TACC1: variants seen among roughly 807,000 people sequenced by gnomAD.
The protein encoded by TACC1 is transforming acidic coiled-coil containing protein 1, also known as transforming acidic coiled-coil-containing protein 1.
TACC1 carries 48 observed loss-of-function variants against 84.4 expected under a neutral mutation model. The observed-to-expected ratio is 0.57, with a 90% CI of 0.45 to 0.72. The LOEUF (loss-of-function observed/expected upper bound fraction) is 0.72. Ranked by LOEUF, TACC1 falls within the 30% of genes least tolerant of loss-of-function variation. The pLI is 0.00. For missense variants in TACC1, 920 were observed against 973.0 expected, an observed-to-expected ratio of 0.95 and a Z score of 0.72; for synonymous variants, 372 against 376.3, an observed-to-expected ratio of 0.99 and a Z score of 0.13.
At chr8:38,732,134 GAAAGA>G (rs766578606) in intron 1 of TACC1, among the ~76,000 whole-genome samples, 113 of 139,402 alleles carry the variant, frequency 8.1e-4, no homozygotes, top group Non-Finnish European at 1.2e-3. Flanking sequence ...ACAAAGAAAA[GAAAGA>G]AAAGAAAAGA....
In TACC1 at chr8:38,802,715, A is replaced by G. The variant is rs1821686970; in HGVS notation, c.277+13896A>G. 2.0e-5 allele frequency among the ~76,000 whole-genome samples: 3 copies of G among 152,338 alleles called. No homozygotes were observed. The South Asian group carries it at 6.2e-4, about 32-fold the overall frequency. On this transcript the variant is annotated intron_variant, in intron 2 of 12. Transcript: ENST00000317827. ...TGAGGGCATCAGGGAGCTTCCAATT[A>G]TGGCAGAAGGCAAAGGTGGAGCAGG...
chr8:38,776,583 T>C (rs1036831344), intron 3 of TACC1, among the ~76,000 whole-genome samples: 1 of 152,244 alleles, frequency 6.6e-6, no homozygotes, highest in Admixed American at 6.5e-5. Context: ...CTGAAGGTAA[T>C]TTTAAACAGC....
At chr8:38,824,143 AT>A in intron 3 of TACC1, 5 of 813,216 alleles carry the variant, frequency 6.1e-6, no homozygotes, top group Non-Finnish European at 9.3e-6. Context: ...TCTTCTGATG[AT>A]TTTTTTGCAT....
intron 3 of TACC1, among the ~76,000 whole-genome samples, chr8:38,760,646 C>T (rs144133121): frequency 1.3e-5 from 2 of 152,154 alleles, no homozygotes; most frequent in East Asian, 3.9e-4. Flanking sequence ...GCCTCAGCCT[C>T]CTGAGTAGCT....
upstream of TACC1, chr8:38,785,751 A>G: frequency 4.1e-6 from 4 of 983,746 alleles, no homozygotes; most frequent in Non-Finnish European, 4.8e-6. Context: ...GCATAAACCT[A>G]AAACTACAAC....
In TACC1 at chr8:38,851,044, G is replaced by A. The variant is rs918548394; in HGVS notation, c.*3021G>A. The A allele has an allele frequency of 2.6e-5, 4 of 152,584 alleles. No homozygotes were observed. Among genetic ancestry groups the A allele is most frequent in the African/African-American group, 9.7e-5 (4 of 41,436 alleles). The allele number at this position is 152,584 out of a possible 1,614,324, so 9.5% of individuals were successfully genotyped here. A position where few individuals can be genotyped will look rare whatever the true frequency, so the allele number is the denominator to read the frequency against. On this transcript the variant is annotated 3_prime_UTR_variant, in exon 13 of 13. Coordinates refer to ENST00000317827, the MANE Select transcript of TACC1 (RefSeq NM_006283.3). ...AGGTTGGAGAGTCTCCTTCCAGCCA[G>A]TGACCTACCCAAACCTTTTGTTCTG...
At chr8:38,837,872 G>A (rs1232324891) in intron 7 of TACC1, among the ~76,000 whole-genome samples, 1 of 152,224 alleles carries the variant, frequency 6.6e-6, no homozygotes, top group Non-Finnish European at 1.5e-5. Context: ...GTTAGCAAGA[G>A]CATCCCAAAT....
chr8:38,760,672 T>C (rs1008757874), intron 3 of TACC1, among the ~76,000 whole-genome samples: 1 of 152,080 alleles, frequency 6.6e-6, no homozygotes, highest in African/African-American at 2.4e-5. Flanking sequence ...TACAGGCGCA[T>C]ACCACCATGC....
intron 3 of TACC1, among the ~76,000 whole-genome samples, chr8:38,754,897 T>C (rs1809703256): frequency 1.3e-5 from 2 of 152,240 alleles, no homozygotes; most frequent in African/African-American, 4.8e-5. Context: ...GCACAGTGGC[T>C]CACGCCTGTA....
intron 2 of TACC1, among the ~76,000 whole-genome samples, chr8:38,796,784 G>A (rs995887634): frequency 6.6e-6 from 1 of 152,194 alleles, no homozygotes; most frequent in African/African-American, 2.4e-5. Flanking sequence ...AGGTGTGTGC[G>A]GCTGCCAGGG....
At chr8:38,831,906 A>T (rs1021395379) in intron 6 of TACC1, among the ~76,000 whole-genome samples, 3 of 151,916 alleles carry the variant, frequency 2.0e-5, no homozygotes, top group Non-Finnish European at 4.4e-5. Context: ...TACTGGGTTC[A>T]AGCAGTTCTC....
At chr8:38,773,444 A>G (rs1342097444) in intron 3 of TACC1, among the ~76,000 whole-genome samples, 1 of 148,554 alleles carries the variant, frequency 6.7e-6, no homozygotes, top group East Asian at 1.9e-4. Flanking sequence ...TTAAATAAAT[A>G]CTAATATAAT....
Position 38,847,980 on chromosome 8 carries a change from A to T in TACC1, c.2375A>T (p.Lys792Ile). The T allele has an allele frequency of 6.2e-7, 1 of 1,614,094 alleles. No homozygotes were observed. The highest frequency in any genetic ancestry group is 2.2e-5 in the East Asian group (1 of 44,888). ...AACCAAGAAATTGAAGAACTGACAA[A>T]AATCTGTGATGAGCTGATTGCAAAG... ...QKNQEIEELT[K>I]ICDELIAKLG... Residue 792 changes from lysine (K) to isoleucine (I), a missense_variant, in exon 13 of 13, where the codon AAA (lysine) becomes ATA (isoleucine). This residue lies in a region of TACC1 where 158 missense variants were observed against 225.6 expected (regional missense o/e 0.70). Coordinates refer to ENST00000317827, the MANE Select transcript of TACC1 (RefSeq NM_006283.3).
rs1832765150 is a variant in TACC1, at chr8:38,849,022, T to A, written c.*999T>A. The A allele has an allele frequency of 6.6e-6, 1 of 152,126 alleles. No individual in the cohort carries two copies. The highest frequency in any genetic ancestry group is 1.5e-5 in the Non-Finnish European group (1 of 68,028). The allele number at this position is 152,126 out of a possible 1,614,324, so 9.4% of individuals were successfully genotyped here. ...TTTAAGTATGTGAAGAAAATCTACTTGTAAAAGGCTCAGATCTTAATTAAA... is the reference window on the plus strand; with the variant it reads ...TTTAAGTATGTGAAGAAAATCTACTAGTAAAAGGCTCAGATCTTAATTAAA... On this transcript the variant is annotated 3_prime_UTR_variant, in exon 13 of 13. Transcript: ENST00000317827.
intron 3 of TACC1, among the ~76,000 whole-genome samples, chr8:38,762,114 A>G (rs1266890829): frequency 6.6e-6 from 1 of 152,198 alleles, no homozygotes; most frequent in Non-Finnish European, 1.5e-5. Context: ...AAAAAGTAAG[A>G]TAGATACTCT....
chr8:38,754,529 C>G (rs866650675), intron 3 of TACC1, among the ~76,000 whole-genome samples: 2 of 152,162 alleles, frequency 1.3e-5, no homozygotes, highest in Admixed American at 6.5e-5. Context: ...AATCACATTG[C>G]CATAGTGTTC....
At chr8:38,808,161 C>T (rs979002954) in intron 2 of TACC1, among the ~76,000 whole-genome samples, 4 of 152,204 alleles carry the variant, frequency 2.6e-5, no homozygotes, top group Non-Finnish European at 5.9e-5. Context: ...CATCAAACTC[C>T]TTCTAGAGAG....
At chr8:38,775,978 C>T (rs1370917917) in intron 3 of TACC1, among the ~76,000 whole-genome samples, 10 of 151,574 alleles carry the variant, frequency 6.6e-5, no homozygotes, top group Admixed American at 3.9e-4. Flanking sequence ...TGCTAGAAAT[C>T]GTCACTAGCA....
intron 3 of TACC1, among the ~76,000 whole-genome samples, chr8:38,758,460 C>T (rs1233726660): frequency 6.6e-6 from 1 of 152,034 alleles, no homozygotes; most frequent in Admixed American, 6.6e-5. Context: ...GGCAGATCCC[C>T]TGAGGTCAGG....
Sources: gnomAD v4.1 joint callset for allele counts (sites outside exome capture counted in the v4.1 genomes callset) on GRCh38, gnomAD v4.1.1 for gene constraint, gnomAD v4.1.1 regional missense constraint, MANE v1.5 for transcripts, NCBI Gene and HGNC (gene_info 2026-07-23, HGNC 2026-07-21) for gene names.